Variants in DEFB1 observed in about 807,000 individuals in gnomAD.
The protein encoded by DEFB1 is beta-defensin 1.
In DEFB1, 4 loss-of-function variants were observed where a neutral mutation model predicts 2.6. The ratio of observed to expected loss-of-function variants is 1.53; its 90% CI spans 0.76 to 3.51. The LOEUF is 3.51. Ranked by LOEUF, DEFB1 falls within the 30% of genes most tolerant of loss-of-function variation. The pLI is 0.01. For synonymous variants in DEFB1, 56 were observed against 28.5 expected (o/e 1.96, Z -3.07); for missense variants, 162 against 76.9 (o/e 2.11, Z -4.14).
chr8:6,875,756 A>C (rs767316451), intron 1 of DEFB1, among the ~76,000 whole-genome samples: 1 of 152,220 alleles, frequency 6.6e-6, no homozygotes, highest in Non-Finnish European at 1.5e-5. Flanking sequence ...CGGTGATGCA[A>C]CTTTTCAGCA....
intron 1 of DEFB1, among the ~76,000 whole-genome samples, chr8:6,876,205 G>A (rs1030955005): frequency 6.6e-6 from 1 of 152,146 alleles, no homozygotes; most frequent in African/African-American, 2.4e-5. Flanking sequence ...GGCTGGGCGT[G>A]GTGGCTCATG....
chr8:6,871,494 G>C (rs906587433), intron 1 of DEFB1, among the ~76,000 whole-genome samples: 13 of 152,120 alleles, frequency 8.5e-5, no homozygotes, highest in African/African-American at 3.1e-4. Flanking sequence ...TCCTGGCGAG[G>C]GACCAGCAGG....
In DEFB1 at chr8:6,870,827, C is replaced by T. The variant is rs1291418071; in HGVS notation, c.62-1G>A. 1.2e-6 allele frequency: 2 copies of T among 1,611,084 alleles called. No individual in the cohort carries two copies. The highest frequency in any genetic ancestry group is 1.7e-6 in the Non-Finnish European group (2 of 1,178,924). ...CCAAGGCCTGTGAGAAAGTTACCACCTGTAAGGAGGGAACACAAACACTTC... is the reference window on the plus strand; with the variant it reads ...CCAAGGCCTGTGAGAAAGTTACCACTTGTAAGGAGGGAACACAAACACTTC... On this transcript the variant is annotated splice_acceptor_variant, in intron 1 of 1. Coordinates refer to ENST00000297439, the MANE Select transcript of DEFB1 (RefSeq NM_005218.4). LOFTEE classifies it high-confidence loss of function.
intron 1 of DEFB1, among the ~76,000 whole-genome samples, chr8:6,871,778 C>A (rs1050568671): frequency 2.0e-5 from 3 of 152,230 alleles, no homozygotes; most frequent in Admixed American, 6.5e-5. Flanking sequence ...CAGCCAAGGA[C>A]AGACACCTGA....
chr8:6,872,924 A>T (rs2980927), intron 1 of DEFB1, among the ~76,000 whole-genome samples: 1,819 of 152,238 alleles, frequency 0.012, 37 homozygotes, highest in African/African-American at 0.04. Flanking sequence ...TCCAACCCAC[A>T]CTGCGAAAGA....
intron 1 of DEFB1, among the ~76,000 whole-genome samples, chr8:6,874,118 T>TAC (rs756827017): frequency 0.047 from 5,650 of 120,196 alleles, 139 homozygotes; most frequent in Non-Finnish European, 0.045. Flanking sequence ...ATATCTGACA[T>TAC]ACACACACAC....
intron 1 of DEFB1, among the ~76,000 whole-genome samples, chr8:6,874,460 C>T (rs1160337947): frequency 6.6e-6 from 1 of 151,998 alleles, no homozygotes; most frequent in Non-Finnish European, 1.5e-5. Context: ...TTCAAAGGGC[C>T]GAGAATAGCC....
chr8:6,876,800 C>T lies in DEFB1; in HGVS notation c.61+997G>A, dbSNP rs1585001938. On this transcript the variant is annotated intron_variant, in intron 1 of 1. Transcript: ENST00000297439. ...CCTGGGTGACAGAGTGAGACCCTGT[C>T]TCAAAAAAAAAGCAAAGCAAAAACA... Among the ~76,000 whole-genome samples, 4 of 136,062 alleles carry T rather than the reference C, an allele frequency of 2.9e-5. No individual in the cohort carries two copies. In the East Asian group the frequency reaches 9.1e-4, roughly 31 times the overall value. 89.3% of individuals were successfully genotyped at this position (136,062 alleles called of 152,430 possible).
intron 1 of DEFB1, among the ~76,000 whole-genome samples, chr8:6,873,776 C>G (rs915564021): frequency 1.3e-5 from 2 of 152,018 alleles, no homozygotes; most frequent in African/African-American, 4.8e-5. Flanking sequence ...CTGAGTGGGT[C>G]TGGGTTGGGG....
At chr8:6,872,544 G>A (rs754734639) in intron 1 of DEFB1, among the ~76,000 whole-genome samples, 1 of 152,110 alleles carries the variant, frequency 6.6e-6, no homozygotes, top group East Asian at 1.9e-4. Flanking sequence ...GAAGAGGTTT[G>A]GGAAGGGCCC....
In DEFB1 at chr8:6,870,647, C is replaced by A. The variant is rs370051048; in HGVS notation, c.*34G>T. The A allele has an allele frequency of 3.8e-6, 6 of 1,595,034 alleles. No homozygotes were observed. Among genetic ancestry groups the A allele is most frequent in the Non-Finnish European group, 5.1e-6 (6 of 1,173,126 alleles). ...AAGAATGCTTATAAAAAGTTCATTT[C>A]ACTTCTGCGTCATTTCTTCTGGTCA... On this transcript the variant is annotated 3_prime_UTR_variant, in exon 2 of 2. Coordinates refer to ENST00000297439, the MANE Select transcript of DEFB1 (RefSeq NM_005218.4).
At chr8:6,872,866 C>G (rs377717723) in intron 1 of DEFB1, among the ~76,000 whole-genome samples, 1 of 152,208 alleles carries the variant, frequency 6.6e-6, no homozygotes, top group Admixed American at 6.5e-5. Flanking sequence ...TTTAGTCTCC[C>G]TGCACTGGAG....
intron 1 of DEFB1, 111 bp from the exon 2 acceptor site, chr8:6,870,937 T>G: frequency 8.3e-7 from 1 of 1,208,870 alleles, no homozygotes; most frequent in Non-Finnish European, 1.1e-6. Flanking sequence ...GAGTCTTCTC[T>G]TCCAAGAAAT....
At chr8:6,873,187 G>A (rs1459776475) in intron 1 of DEFB1, among the ~76,000 whole-genome samples, 2 of 152,186 alleles carry the variant, frequency 1.3e-5, no homozygotes, top group Non-Finnish European at 2.9e-5. Flanking sequence ...CCAGATGAAG[G>A]AACAAGGTCC....
chr8:6,877,033 G>A (rs1806558122), intron 1 of DEFB1, among the ~76,000 whole-genome samples: 1 of 152,154 alleles, frequency 6.6e-6, no homozygotes, highest in African/African-American at 2.4e-5. Context: ...GAGACTTTCT[G>A]AACTGGAGTG....
chr8:6,873,825 C>G (rs1485478632), intron 1 of DEFB1, among the ~76,000 whole-genome samples: 3 of 152,202 alleles, frequency 2.0e-5, no homozygotes, highest in African/African-American at 4.8e-5. Context: ...CTAGGTGACA[C>G]TGAAGCTTCT....
intron 1 of DEFB1, among the ~76,000 whole-genome samples, chr8:6,876,615 G>T (rs1806538932): frequency 6.6e-6 from 1 of 151,980 alleles, no homozygotes; most frequent in East Asian, 1.9e-4. Context: ...GGTCAACACA[G>T]TAAGACCTTA....
At position 6,872,500 on chromosome 8, in the gene DEFB1, C is replaced by G. The variant is rs56011429; in HGVS notation, c.62-1674G>C. On this transcript the variant is annotated intron_variant, in intron 1 of 1. Transcript: ENST00000297439. ...TACCAGGCTTCAAACGTTGGGAAGTCTATTGGCCAACTTAAACACATCCAC... is the reference window on the plus strand; with the variant it reads ...TACCAGGCTTCAAACGTTGGGAAGTGTATTGGCCAACTTAAACACATCCAC... 2.9e-3 allele frequency among the ~76,000 whole-genome samples: 447 copies of G among 152,114 alleles called. 7 individuals are homozygous for G. In the South Asian group the frequency reaches 0.036, roughly 12 times the overall value.
At chr8:6,873,933 A>T (rs532040519) in intron 1 of DEFB1, among the ~76,000 whole-genome samples, 1 of 152,330 alleles carries the variant, frequency 6.6e-6, no homozygotes, top group Non-Finnish European at 1.5e-5. Flanking sequence ...GGCCTTTTAA[A>T]AGCACTTGCC....
Sources: gnomAD v4.1 joint callset for allele counts (sites outside exome capture counted in the v4.1 genomes callset) on GRCh38, gnomAD v4.1.1 for gene constraint, MANE v1.5 for transcripts, NCBI Gene and HGNC (gene_info 2026-07-23, HGNC 2026-07-21) for gene names.